Variants in NAPB observed in about 807,000 individuals in gnomAD.
The protein encoded by NAPB is beta-soluble NSF attachment protein.
In NAPB, 26 loss-of-function variants were observed where a neutral mutation model predicts 44.7. The observed-to-expected ratio is 0.58, with a 90% CI of 0.43 to 0.81. The LOEUF (loss-of-function observed/expected upper bound fraction) is 0.81. Ranked by LOEUF, NAPB falls within the 30% of genes least tolerant of loss-of-function variation. NAPB has a pLI of 0.00. For missense variants in NAPB, 315 were observed against 356.4 expected, an observed-to-expected ratio of 0.88 and a Z score of 0.94; for synonymous variants, 120 against 116.8, an observed-to-expected ratio of 1.03 and a Z score of -0.18.
chr20:23,382,936 CT>C (rs1010661997), intron 7 of NAPB, among the ~76,000 whole-genome samples: 10 of 152,264 alleles, frequency 6.6e-5, no homozygotes, highest in African/African-American at 2.4e-4. Flanking sequence ...AGGCGAACCA[CT>C]TGAGGTCAAG....
intron 4 of NAPB, 65 bp downstream of exon 4, chr20:23,395,074 A>T: frequency 2.5e-6 from 4 of 1,612,518 alleles, no homozygotes; most frequent in Middle Eastern, 1.7e-4. Context: ...ATAAAAAAGA[A>T]AGATAGAACT....
intron 5 of NAPB, among the ~76,000 whole-genome samples, chr20:23,394,148 G>C (rs1362512769): frequency 6.6e-6 from 1 of 152,194 alleles, no homozygotes; most frequent in Non-Finnish European, 1.5e-5. Context: ...TAGAGAAACA[G>C]AGTATGATGC....
chr20:23,388,474 A>G (rs1983695988), intron 7 of NAPB, among the ~76,000 whole-genome samples: 1 of 152,232 alleles, frequency 6.6e-6, no homozygotes, highest in Non-Finnish European at 1.5e-5. Flanking sequence ...AAAAAGAACA[A>G]AAAGCTGGAG....
intron 3 of NAPB, among the ~76,000 whole-genome samples, chr20:23,396,094 C>T (rs1398523516): frequency 3.3e-5 from 5 of 152,154 alleles, no homozygotes; most frequent in Non-Finnish European, 7.4e-5. Context: ...TTTCCTTTTG[C>T]GTTTATTAGA....
rs1056679703 is a variant in NAPB, at chr20:23,377,174, C to T, written c.*202G>A. On this transcript the variant is annotated 3_prime_UTR_variant, in exon 11 of 11. Coordinates refer to ENST00000377026, the MANE Select transcript of NAPB (RefSeq NM_022080.3). ...GGGGGTTCTGATAAGCATGAAACAA[C>T]CCATCATTACCACAAGATGAACAGG... 1.1e-5 allele frequency: 4 copies of T among 357,324 alleles called. No individual in the cohort carries two copies. Among genetic ancestry groups the T allele is most frequent in the Non-Finnish European group, 2.0e-5 (4 of 197,918 alleles). 22.1% of individuals were successfully genotyped at this position (357,324 alleles called of 1,614,324 possible). A position where few individuals can be genotyped will look rare whatever the true frequency, so the allele number is the denominator to read the frequency against.
chr20:23,382,473 C>A (rs948595700), intron 7 of NAPB, among the ~76,000 whole-genome samples: 1 of 152,030 alleles, frequency 6.6e-6, no homozygotes, highest in Admixed American at 6.5e-5. Context: ...GATGATGGTT[C>A]CAGATGACGG....
At chr20:23,386,020 C>T (rs1193466109) in intron 7 of NAPB, among the ~76,000 whole-genome samples, 2 of 152,098 alleles carry the variant, frequency 1.3e-5, no homozygotes, top group Non-Finnish European at 2.9e-5. Context: ...AGAAAGATTA[C>T]AGAAAAATCT....
chr20:23,399,530 T>C (rs532608057), intron 2 of NAPB, among the ~76,000 whole-genome samples: 2 of 152,344 alleles, frequency 1.3e-5, no homozygotes, highest in South Asian at 2.1e-4. Context: ...TCATTTTCTT[T>C]ATAAATTACA....
Position 23,418,436 on chromosome 20 carries a change from T to G in NAPB, c.98+2869A>C, listed in dbSNP as rs1202273579. On this transcript the variant is annotated intron_variant, in intron 1 of 10. Coordinates refer to ENST00000377026, the MANE Select transcript of NAPB (RefSeq NM_022080.3). ...AAACATCTAAAATTGATACAGAATC[T>G]TAATTGTCCTACTGACACAGGAACA... 3.3e-5 allele frequency among the ~76,000 whole-genome samples: 5 copies of G among 152,212 alleles called. No homozygotes were observed. In the East Asian group the frequency reaches 9.6e-4, roughly 29 times the overall value.
At chr20:23,387,462 A>G (rs1221000955) in intron 7 of NAPB, among the ~76,000 whole-genome samples, 3 of 152,220 alleles carry the variant, frequency 2.0e-5, no homozygotes, top group Non-Finnish European at 4.4e-5. Context: ...TTATTTGCAG[A>G]TAACATGATT....
chr20:23,398,854 A>ATTTTTTTT (rs34074566), intron 2 of NAPB, among the ~76,000 whole-genome samples: 19 of 90,448 alleles, frequency 2.1e-4, no homozygotes, highest in South Asian at 4.3e-4. Context: ...CAAAAAAAAA[A>ATTTTTTTT]TTTTTTTTTT....
chr20:23,398,946 G>A (rs1484345677), intron 2 of NAPB, among the ~76,000 whole-genome samples: 4 of 135,626 alleles, frequency 2.9e-5, no homozygotes, highest in Non-Finnish European at 4.5e-5. Flanking sequence ...CTCCAGCCTC[G>A]GCCTCCCAAA....
chr20:23,404,841 T>C (rs936323375), intron 1 of NAPB, among the ~76,000 whole-genome samples: 4 of 152,218 alleles, frequency 2.6e-5, no homozygotes, highest in Non-Finnish European at 5.9e-5. Context: ...GGCTACTGTC[T>C]GTCAAAAGAC....
chr20:23,411,211 A>G (rs1166210755), intron 1 of NAPB, among the ~76,000 whole-genome samples: 1 of 152,210 alleles, frequency 6.6e-6, no homozygotes, highest in Non-Finnish European at 1.5e-5. Flanking sequence ...ACAGGCCTAC[A>G]TGTACTTGGA....
At chr20:23,400,035 C>T (rs529740602) in intron 2 of NAPB, among the ~76,000 whole-genome samples, 1 of 152,214 alleles carries the variant, frequency 6.6e-6, no homozygotes, top group African/African-American at 2.4e-5. Flanking sequence ...CAGTCATGGG[C>T]CATCCTTTTC....
In NAPB at chr20:23,374,759, C is replaced by G. The variant is rs1459235764; in HGVS notation, c.*2617G>C. ...AGGAGAAACAATAAATGCACAAGGG[C>G]TGGTGCATATACTTTGGTTACAGTG... On this transcript the variant is annotated 3_prime_UTR_variant, in exon 11 of 11. Transcript: ENST00000377026. 2.0e-5 allele frequency: 3 copies of G among 152,318 alleles called. No individual in the cohort carries two copies. Among genetic ancestry groups the G allele is most frequent in the East Asian group, 3.8e-4 (2 of 5,198 alleles). 9.4% of individuals were successfully genotyped at this position (152,318 alleles called of 1,614,324 possible).
In NAPB at chr20:23,421,463, AC is replaced by A; in HGVS notation, c.-62del. The A allele has an allele frequency of 6.9e-7, 1 of 1,453,644 alleles. No individual in the cohort carries two copies. Among genetic ancestry groups the A allele is most frequent in the Non-Finnish European group, 9.2e-7 (1 of 1,084,694 alleles). 90.0% of individuals were successfully genotyped at this position (1,453,644 alleles called of 1,614,324 possible). On this transcript the variant is annotated 5_prime_UTR_variant, in exon 1 of 11. Transcript: ENST00000377026. Reference sequence around the variant, plus strand: ...GCTCGCTGTGCGCCCAGGCGCCTTAACCCTCCCTCTGGCGGCCGCAGGGACG... The same window carrying A: ...GCTCGCTGTGCGCCCAGGCGCCTTAACCTCCCTCTGGCGGCCGCAGGGACG...
At position 23,412,031 on chromosome 20, in the gene NAPB, A is replaced by T. The variant is rs551140777; in HGVS notation, c.99-8959T>A. ...AGAGATGGTCAAAAGTATACCAAAC[A>T]AATCAAGCAGCTCTCATTAGAACTG... On this transcript the variant is annotated intron_variant, in intron 1 of 10. Coordinates refer to ENST00000377026, the MANE Select transcript of NAPB (RefSeq NM_022080.3). Among the ~76,000 whole-genome samples, 5 of 152,314 alleles carry T rather than the reference A, an allele frequency of 3.3e-5. No individual in the cohort carries two copies. The East Asian group carries it at 9.7e-4, about 29-fold the overall frequency.
At chr20:23,397,888 T>C (rs1417419609) in intron 2 of NAPB, among the ~76,000 whole-genome samples, 2 of 152,214 alleles carry the variant, frequency 1.3e-5, no homozygotes, top group African/African-American at 4.8e-5. Context: ...CAGTACAACA[T>C]ATAAGGTACA....
Sources: gnomAD v4.1 joint callset for allele counts (sites outside exome capture counted in the v4.1 genomes callset) on GRCh38, gnomAD v4.1.1 for gene constraint, MANE v1.5 for transcripts, NCBI Gene and HGNC (gene_info 2026-07-23, HGNC 2026-07-21) for gene names.